The following DISP1 variants were observed in gnomAD, a reference collection of about 807,000 sequenced individuals.
DISP1 encodes dispatched RND transporter family member 1.
Under a neutral mutation model 37.3 loss-of-function variants are expected in DISP1, and 30 were observed. The ratio of observed to expected loss-of-function variants is 0.80; its 90% CI spans 0.60 to 1.09. DISP1 has a LOEUF of 1.09. Ranked by LOEUF, DISP1 falls within the 50% of genes least tolerant of loss-of-function variation. The pLI is 0.00. For missense variants in DISP1, 1,598 were observed against 1,879.5 expected (o/e 0.85, Z 2.77); for synonymous variants, 634 against 690.2 (o/e 0.92, Z 1.28).
At chr1:222,946,474 T>C (rs1435505746) in intron 3 of DISP1, among the ~76,000 whole-genome samples, 1 of 152,060 alleles carries the variant, frequency 6.6e-6, no homozygotes, top group African/African-American at 2.4e-5. Context: ...AGAGGAATGG[T>C]ATGTGTCCAT....
chr1:222,986,592 T>C (rs971183078), intron 4 of DISP1, among the ~76,000 whole-genome samples: 1 of 152,232 alleles, frequency 6.6e-6, no homozygotes, highest in African/African-American at 2.4e-5. Context: ...CCAGGCAGCA[T>C]GCCTGCTAAC....
At chr1:222,945,481 T>G (rs1006056408) in intron 3 of DISP1, among the ~76,000 whole-genome samples, 1 of 152,198 alleles carries the variant, frequency 6.6e-6, no homozygotes, top group African/African-American at 2.4e-5. Flanking sequence ...AGCTGATACC[T>G]CCTCTTAAAA....
At chr1:222,952,985 T>C (rs181985976) in intron 3 of DISP1, among the ~76,000 whole-genome samples, 3 of 152,342 alleles carry the variant, frequency 2.0e-5, no homozygotes, top group Admixed American at 2.0e-4. Flanking sequence ...ACTGCATATC[T>C]TTATTTATGA....
intron 1 of DISP1, among the ~76,000 whole-genome samples, chr1:222,843,532 A>G (rs1331762078): frequency 6.6e-6 from 1 of 151,096 alleles, no homozygotes; most frequent in African/African-American, 2.4e-5. Flanking sequence ...CATGGAAATA[A>G]GGCAGGGGAG....
chr1:222,858,459 C>T (rs1668677356), intron 1 of DISP1, among the ~76,000 whole-genome samples: 1 of 151,952 alleles, frequency 6.6e-6, no homozygotes, highest in Non-Finnish European at 1.5e-5. Flanking sequence ...GTAATTGCAA[C>T]AAAAGCAAAA....
intron 3 of DISP1, among the ~76,000 whole-genome samples, chr1:222,955,821 C>T (rs1208264009): frequency 6.6e-6 from 1 of 152,146 alleles, no homozygotes; most frequent in Admixed American, 6.5e-5. Context: ...CTTTTGTCTT[C>T]TCTTTGTTCA....
At chr1:222,912,661 T>C (rs2125424925) in intron 1 of DISP1, among the ~76,000 whole-genome samples, 1 of 152,338 alleles carries the variant, frequency 6.6e-6, no homozygotes, top group East Asian at 1.9e-4. Context: ...GAAATCGTTT[T>C]CTTAAAGGGG....
chr1:222,841,262 T>C (rs192287888), intron 1 of DISP1, among the ~76,000 whole-genome samples: 6 of 152,342 alleles, frequency 3.9e-5, no homozygotes, highest in African/African-American at 1.4e-4. Context: ...AGTAGTTTTA[T>C]TTTTTAGTAG....
At chr1:222,886,222 A>G (rs1267042846) in intron 1 of DISP1, among the ~76,000 whole-genome samples, 8 of 152,212 alleles carry the variant, frequency 5.3e-5, no homozygotes. Context: ...GAGGTAGGCT[A>G]TAGAAAATCT....
At chr1:222,976,486 G>A (rs1458606430) in intron 3 of DISP1, among the ~76,000 whole-genome samples, 2 of 151,984 alleles carry the variant, frequency 1.3e-5, no homozygotes, top group Non-Finnish European at 1.5e-5. Context: ...TGTTTGTCAC[G>A]TCCATTTGTA....
At chr1:222,936,904 A>G (rs1673910771) in intron 2 of DISP1, among the ~76,000 whole-genome samples, 2 of 90,580 alleles carry the variant, frequency 2.2e-5, no homozygotes, top group African/African-American at 4.5e-5. Flanking sequence ...TTATTTATAT[A>G]TAATATATTA....
chr1:222,816,029 G>A (rs1661135083), intron 1 of DISP1, among the ~76,000 whole-genome samples: 1 of 150,610 alleles, frequency 6.6e-6, no homozygotes, highest in Non-Finnish European at 1.5e-5. Flanking sequence ...ATTACTAGCA[G>A]TTCTTAAGAT....
At chr1:222,825,745 C>A (rs191102260) in intron 1 of DISP1, among the ~76,000 whole-genome samples, 1 of 152,088 alleles carries the variant, frequency 6.6e-6, no homozygotes, top group Non-Finnish European at 1.5e-5. Context: ...TCAAGCAATC[C>A]GGCGGCCTCG....
At chr1:222,889,706 A>T (rs893717190) in intron 1 of DISP1, among the ~76,000 whole-genome samples, 1 of 152,184 alleles carries the variant, frequency 6.6e-6, no homozygotes, top group African/African-American at 2.4e-5. Context: ...TCTTTTAAAA[A>T]TTACTTACTG....
chr1:222,921,175 G>A, intron 1 of DISP1, among the ~76,000 whole-genome samples: 1 of 152,134 alleles, frequency 6.6e-6, no homozygotes, highest in Non-Finnish European at 1.5e-5. Flanking sequence ...AGCCGGATGT[G>A]GTGCATGCCT....
intron 1 of DISP1, among the ~76,000 whole-genome samples, chr1:222,921,329 A>T (rs923230813): frequency 7.2e-5 from 11 of 152,168 alleles, no homozygotes; most frequent in Admixed American, 6.5e-4. Flanking sequence ...AAAGAAAAAA[A>T]GTAATTGGCA....
At chr1:222,971,246 C>T (rs943890154) in intron 3 of DISP1, among the ~76,000 whole-genome samples, 4 of 151,920 alleles carry the variant, frequency 2.6e-5, no homozygotes, top group African/African-American at 9.7e-5. Context: ...TATTTTTGTC[C>T]TTAAAAGCAT....
At chr1:222,826,463 T>G (rs1004210746) in intron 1 of DISP1, among the ~76,000 whole-genome samples, 2 of 148,380 alleles carry the variant, frequency 1.3e-5, no homozygotes, top group African/African-American at 5.0e-5. Context: ...TCACTGCAGC[T>G]TCAACCTCCT....
intron 1 of DISP1, among the ~76,000 whole-genome samples, chr1:222,815,833 G>C (rs1167355687): frequency 1.3e-5 from 2 of 152,070 alleles, no homozygotes; most frequent in African/African-American, 4.8e-5. Context: ...CCCTTGTCAT[G>C]GGATGAACTA....
Sources: allele counts gnomAD v4.1 joint callset (sites outside exome capture counted in the v4.1 genomes callset), GRCh38; gene constraint gnomAD v4.1.1; transcripts MANE v1.5; gene names NCBI Gene and HGNC (gene_info 2026-07-23, HGNC 2026-07-21).